DCDC2: variants seen among roughly 807,000 people sequenced by gnomAD.
DCDC2 encodes doublecortin domain containing 2.
In DCDC2, 40 loss-of-function variants were observed where a neutral mutation model predicts 50.2. The observed-to-expected ratio is 0.80, with a 90% CI of 0.62 to 1.04. DCDC2 has a LOEUF of 1.04. DCDC2 is among the 50% of genes least tolerant of loss of function. The pLI is 0.00. For synonymous variants in DCDC2, 234 were observed against 210.6 expected (o/e 1.11, Z -0.96); for missense variants, 570 against 581.9 (o/e 0.98, Z 0.21).
the DCDC2 span, among the ~76,000 whole-genome samples, chr6:24,377,079 T>G: frequency 6.6e-6 from 1 of 152,138 alleles, no homozygotes; most frequent in Non-Finnish European, 1.5e-5. Flanking sequence ...GACAATTATT[T>G]CACAGCAAGG....
intron 3 of DCDC2, 34 bp downstream of exon 3, chr6:24,301,934 A>G: frequency 6.2e-7 from 1 of 1,611,924 alleles, no homozygotes; most frequent in Non-Finnish European, 8.5e-7. Flanking sequence ...CACCAAGCCA[A>G]TTTTAACTTG....
At chr6:24,228,134 T>C (rs1762269931) in intron 7 of DCDC2, among the ~76,000 whole-genome samples, 1 of 152,244 alleles carries the variant, frequency 6.6e-6, no homozygotes, top group African/African-American at 2.4e-5. Flanking sequence ...GTATCTTAAA[T>C]AACTGAAGCT....
chr6:24,247,847 G>T (rs935637131), intron 7 of DCDC2, among the ~76,000 whole-genome samples: 2 of 152,164 alleles, frequency 1.3e-5, no homozygotes, highest in Admixed American at 1.3e-4. Context: ...GGCTGAAGCG[G>T]GTGGATCACC....
chr6:24,221,974 T>C (rs933869835), intron 7 of DCDC2, among the ~76,000 whole-genome samples: 7 of 152,324 alleles, frequency 4.6e-5, no homozygotes, highest in South Asian at 2.1e-4. Context: ...TTTGAACTTT[T>C]AGGCTGCTTC....
At chr6:24,372,859 A>G in the DCDC2 span, among the ~76,000 whole-genome samples, 1 of 152,212 alleles carries the variant, frequency 6.6e-6, no homozygotes, top group Non-Finnish European at 1.5e-5. Context: ...TGGCACATGT[A>G]TACATATGTA....
chr6:24,359,436 TAC>T (rs1475721808), upstream of DCDC2, among the ~76,000 whole-genome samples: 1 of 52,264 alleles, frequency 1.9e-5, no homozygotes, highest in Non-Finnish European at 3.0e-5. Flanking sequence ...TATTTATATA[TAC>T]TATATAGTAT....
chr6:24,309,504 A>G (rs1281892173), intron 2 of DCDC2, among the ~76,000 whole-genome samples: 4 of 152,224 alleles, frequency 2.6e-5, no homozygotes. Context: ...AAGGCAAACT[A>G]AAATAAGTTA....
At chr6:24,338,345 C>T (rs937820188) in intron 2 of DCDC2, among the ~76,000 whole-genome samples, 17 of 152,078 alleles carry the variant, frequency 1.1e-4, no homozygotes, top group East Asian at 7.7e-4. Context: ...TGCCTGTCAC[C>T]GCCATTAAAA....
chr6:24,186,300 G>A (rs182885040), intron 8 of DCDC2, among the ~76,000 whole-genome samples: 1 of 152,174 alleles, frequency 6.6e-6, no homozygotes, highest in Non-Finnish European at 1.5e-5. Context: ...GTGCTTCTTA[G>A]AGCACTTTCA....
chr6:24,274,605 CAAAAAAAAAAAAAAA>C (rs61569208), intron 7 of DCDC2, among the ~76,000 whole-genome samples: 3 of 82,404 alleles, frequency 3.6e-5, no homozygotes, highest in South Asian at 4.5e-4. Flanking sequence ...GAAACAGAGT[CAAAAAAAAAAAAAAA>C]AAAAAAAAAG....
At chr6:24,382,623 A>C in the DCDC2 span, among the ~76,000 whole-genome samples, 1 of 152,238 alleles carries the variant, frequency 6.6e-6, no homozygotes. Flanking sequence ...TGAGCAATAG[A>C]ACAATGAAAT....
rs58677081 is a variant in DCDC2, at chr6:24,327,488, G to GATTGATTGA, written c.349-25445_349-25444insTCAATCAAT. 6.1e-3 allele frequency among the ~76,000 whole-genome samples: 510 copies of GATTGATTGA among 84,242 alleles called. 14 individuals are homozygous for GATTGATTGA. Among genetic ancestry groups the GATTGATTGA allele is most frequent in the East Asian group, 0.013 (27 of 2,004 alleles). 55.3% of individuals were successfully genotyped at this position (84,242 alleles called of 152,430 possible). A position where few individuals can be genotyped will look rare whatever the true frequency, so the allele number is the denominator to read the frequency against. ...TATTTATTTATTTATTTATTTATTG[G>GATTGATTGA]CTGATACGGAGTTTTGCTCTTGTTG... On this transcript the variant is annotated intron_variant, in intron 2 of 9. Transcript: ENST00000378454.
intron 6 of DCDC2, among the ~76,000 whole-genome samples, chr6:24,287,804 C>A (rs1763644923): frequency 6.6e-6 from 1 of 152,212 alleles, no homozygotes. Context: ...TCATGGTCAC[C>A]AATCTCTAGA....
Position 24,358,046 on chromosome 6 carries a change from G to A in DCDC2, c.-296C>T. ...GTTCACCTGCTACGGGCAGAATCAA[G>A]GTGGACAGCTTCTGAGCAGGAGCCG... On this transcript the variant is annotated 5_prime_UTR_variant, in exon 1 of 10. Coordinates refer to ENST00000378454, the MANE Select transcript of DCDC2 (RefSeq NM_016356.5). 1.8e-6 allele frequency: 2 copies of A among 1,104,024 alleles called. No individual in the cohort carries two copies. Among genetic ancestry groups the A allele is most frequent in the South Asian group, 3.5e-5 (2 of 56,836 alleles). The allele number at this position is 1,104,024 out of a possible 1,614,324, so 68.4% of individuals were successfully genotyped here. A position where few individuals can be genotyped will look rare whatever the true frequency, so the allele number is the denominator to read the frequency against.
rs1462528643 is a variant in DCDC2 at position 24,205,076 on chromosome 6, C to T, written c.949G>A (p.Glu317Lys). The change falls in exon 8 of 10, where the codon GAG (glutamate) becomes AAG (lysine). Residue 317 changes from glutamate (E) to lysine (K), a missense_variant. Transcript: ENST00000378454. ...GCTGCCCCCCGTGTTTCAGACCTCTCTGCTCCAGCTTTGAAAATGCCTTCA... is the reference window on the plus strand; with the variant it reads ...GCTGCCCCCCGTGTTTCAGACCTCTTTGCTCCAGCTTTGAAAATGCCTTCA... ...SDEGIFKAGAERSETRGAAEV... is the reference protein window; with the variant it reads ...SDEGIFKAGAKRSETRGAAEV... The T allele has an allele frequency of 6.2e-7, 1 of 1,614,150 alleles. No individual in the cohort carries two copies. Among genetic ancestry groups the T allele is most frequent in the East Asian group, 2.2e-5 (1 of 44,880 alleles).
chr6:24,276,692 G>T (rs771263409), intron 7 of DCDC2, among the ~76,000 whole-genome samples: 4 of 151,874 alleles, frequency 2.6e-5, no homozygotes, highest in Non-Finnish European at 4.4e-5. Context: ...TCTTTTCTTT[G>T]ATTCTTGTCA....
At chr6:24,181,133 T>G (rs1448098479) in intron 8 of DCDC2, among the ~76,000 whole-genome samples, 1 of 152,182 alleles carries the variant, frequency 6.6e-6, no homozygotes, top group Admixed American at 6.5e-5. Context: ...TAACTATCCC[T>G]CAGCATGTCG....
intron 5 of DCDC2, among the ~76,000 whole-genome samples, chr6:24,290,710 T>C (rs1008545032): frequency 2.0e-5 from 3 of 152,212 alleles, no homozygotes; most frequent in Admixed American, 6.5e-5. Context: ...AAAAAAACCA[T>C]GTAGTCTTTC....
At chr6:24,274,191 A>T (rs1763299286) in intron 7 of DCDC2, among the ~76,000 whole-genome samples, 1 of 152,230 alleles carries the variant, frequency 6.6e-6, no homozygotes, top group South Asian at 2.1e-4. Context: ...TCCTACAGAG[A>T]CCTAAATTCA....
Sources: allele counts gnomAD v4.1 joint callset (sites outside exome capture counted in the v4.1 genomes callset), GRCh38; gene constraint gnomAD v4.1.1; transcripts MANE v1.5; gene names NCBI Gene and HGNC (gene_info 2026-07-23, HGNC 2026-07-21).